The following AGBL4 variants were observed in gnomAD, a reference collection of about 807,000 sequenced individuals.
AGBL4 encodes cytosolic carboxypeptidase 6.
A neutral mutation model predicts 66.4 loss-of-function variants in AGBL4; 58 were observed. That is an observed-to-expected ratio of 0.87 (90% confidence interval 0.71 to 1.09). The LOEUF (loss-of-function observed/expected upper bound fraction) is 1.09, where lower values mean the gene tolerates loss of function less well. Ranked by LOEUF, AGBL4 falls within the 50% of genes least tolerant of loss-of-function variation. AGBL4 has a pLI of 0.00. For synonymous variants in AGBL4, 234 were observed against 222.9 expected, an observed-to-expected ratio of 1.05 and a Z score of -0.44; for missense variants, 579 against 631.0, an observed-to-expected ratio of 0.92 and a Z score of 0.88.
At chr1:49,263,940 T>C (rs1174619138) in intron 3 of AGBL4, among the ~76,000 whole-genome samples, 3 of 152,270 alleles carry the variant, frequency 2.0e-5, no homozygotes, top group African/African-American at 4.8e-5. Context: ...CAAAATACTT[T>C]TGAGCATTTA....
chr1:49,896,608 AACAC>A (rs58132063), intron 1 of AGBL4, among the ~76,000 whole-genome samples: 36,634 of 133,472 alleles, frequency 0.27, 5,205 homozygotes, highest in South Asian at 0.36. Context: ...GACCCATGAA[AACAC>A]ACACACACAC....
At chr1:48,811,934 C>G (rs990011077) in intron 6 of AGBL4, among the ~76,000 whole-genome samples, 2 of 152,136 alleles carry the variant, frequency 1.3e-5, no homozygotes, top group East Asian at 3.9e-4. Flanking sequence ...GATAAGGAAC[C>G]GTTCAGCAAG....
intron 2 of AGBL4, among the ~76,000 whole-genome samples, chr1:49,764,208 C>A (rs897770349): frequency 1.2e-4 from 18 of 152,128 alleles, no homozygotes; most frequent in Non-Finnish European, 2.4e-4. Context: ...GGCACCTTTA[C>A]ATGCCCACAA....
intron 5 of AGBL4, among the ~76,000 whole-genome samples, chr1:48,921,867 C>A (rs1336440924): frequency 6.6e-6 from 1 of 152,152 alleles, no homozygotes; most frequent in African/African-American, 2.4e-5. Flanking sequence ...CTTAACCTTG[C>A]AGAGACTCAG....
At chr1:49,240,224 T>C (rs1302741317) in intron 4 of AGBL4, among the ~76,000 whole-genome samples, 1 of 152,150 alleles carries the variant, frequency 6.6e-6, no homozygotes, top group Non-Finnish European at 1.5e-5. Context: ...TCAAAGAATG[T>C]TAAAATTATG....
intron 3 of AGBL4, among the ~76,000 whole-genome samples, chr1:49,452,381 C>T (rs1646296861): frequency 6.6e-6 from 1 of 151,748 alleles, no homozygotes; most frequent in African/African-American, 2.4e-5. Flanking sequence ...TTAATATATT[C>T]CCATCACTTA....
chr1:49,528,256 T>G (rs1558023657), intron 3 of AGBL4, among the ~76,000 whole-genome samples: 1 of 152,002 alleles, frequency 6.6e-6, no homozygotes, highest in East Asian at 1.9e-4. Context: ...GAACAAAGAG[T>G]GTCCAATAAG....
At chr1:49,272,947 T>G (rs2148389869) in intron 3 of AGBL4, among the ~76,000 whole-genome samples, 1 of 152,316 alleles carries the variant, frequency 6.6e-6, no homozygotes, top group Admixed American at 6.5e-5. Flanking sequence ...ACATTTTTCC[T>G]GGGTATTTTA....
chr1:49,927,022 A>T (rs1371719743), intron 1 of AGBL4, among the ~76,000 whole-genome samples: 1 of 152,210 alleles, frequency 6.6e-6, no homozygotes, highest in Non-Finnish European at 1.5e-5. Flanking sequence ...AGCATCCAGC[A>T]TGGGAGAAAG....
At chr1:48,791,130 C>T (rs1225291411) in intron 6 of AGBL4, among the ~76,000 whole-genome samples, 3 of 152,112 alleles carry the variant, frequency 2.0e-5, no homozygotes, top group Admixed American at 6.6e-5. Flanking sequence ...AAGACATGAC[C>T]AAATCAATAA....
intron 6 of AGBL4, among the ~76,000 whole-genome samples, chr1:48,820,736 A>T (rs1646293012): frequency 6.6e-6 from 1 of 152,198 alleles, no homozygotes; most frequent in African/African-American, 2.4e-5. Context: ...TTGAACTCAG[A>T]TTAGAGCTAT....
At chr1:49,022,549 T>TG (rs1033839772) in intron 5 of AGBL4, among the ~76,000 whole-genome samples, 2 of 152,090 alleles carry the variant, frequency 1.3e-5, no homozygotes, top group African/African-American at 2.4e-5. Context: ...CTCTGGCTAA[T>TG]GGGGGAGACC....
chr1:48,588,013 C>T (rs1644852118), intron 10 of AGBL4, among the ~76,000 whole-genome samples: 1 of 152,246 alleles, frequency 6.6e-6, no homozygotes, highest in South Asian at 2.1e-4. Flanking sequence ...TATTGTTTCC[C>T]ATGCAGTATC....
intron 4 of AGBL4, among the ~76,000 whole-genome samples, chr1:49,181,156 A>G (rs1557706174): frequency 6.6e-6 from 1 of 152,020 alleles, no homozygotes; most frequent in Non-Finnish European, 1.5e-5. Context: ...CTCCTCCTCA[A>G]AATGCACTTT....
intron 3 of AGBL4, among the ~76,000 whole-genome samples, chr1:49,285,263 A>G (rs1172243356): frequency 6.6e-6 from 1 of 152,208 alleles, no homozygotes; most frequent in Non-Finnish European, 1.5e-5. Flanking sequence ...CCTGCTCCTG[A>G]ATGACTACTG....
intron 1 of AGBL4, among the ~76,000 whole-genome samples, chr1:49,911,816 A>G (rs1650861978): frequency 6.6e-6 from 1 of 152,124 alleles, no homozygotes; most frequent in Admixed American, 6.5e-5. Context: ...CACACACAAT[A>G]GTGCACTGGT....
intron 4 of AGBL4, among the ~76,000 whole-genome samples, chr1:49,202,652 T>C (rs1187631832): frequency 1.3e-5 from 2 of 151,972 alleles, no homozygotes; most frequent in Non-Finnish European, 2.9e-5. Flanking sequence ...CCTTAAACTA[T>C]AAAACTCATA....
intron 6 of AGBL4, among the ~76,000 whole-genome samples, chr1:48,794,500 T>C (rs1028940476): frequency 6.6e-6 from 1 of 152,264 alleles, no homozygotes; most frequent in Non-Finnish European, 1.5e-5. Context: ...TCCCATTCAC[T>C]CCTCAACCCC....
chr1:49,874,579 A>C (rs1050080459), intron 1 of AGBL4, among the ~76,000 whole-genome samples: 3 of 152,174 alleles, frequency 2.0e-5, no homozygotes, highest in African/African-American at 7.2e-5. Flanking sequence ...TGAAAAAAGT[A>C]GAATTACCTA....
Sources: allele counts gnomAD v4.1 joint callset (sites outside exome capture counted in the v4.1 genomes callset), GRCh38; gene constraint gnomAD v4.1.1; transcripts MANE v1.5; gene names NCBI Gene and HGNC (gene_info 2026-07-23, HGNC 2026-07-21).